Variants in APBB2 observed in about 807,000 individuals in gnomAD.
APBB2 encodes Fe65-like 1.
Under a neutral mutation model 82.5 loss-of-function variants are expected in APBB2, and 38 were observed. The observed-to-expected ratio is 0.46, with a 90% CI of 0.36 to 0.60. APBB2 has a LOEUF of 0.60. Among genes scored for constraint, APBB2 ranks in the 20% least tolerant of loss-of-function variants. The probability of loss-of-function intolerance (pLI) is 0.00; values close to 1 mark genes in which losing one functional copy is unlikely to be tolerated. For missense variants in APBB2, 772 were observed against 972.3 expected (o/e 0.79, Z 2.74); for synonymous variants, 341 against 368.2 (o/e 0.93, Z 0.85).
intron 1 of APBB2, among the ~76,000 whole-genome samples, chr4:41,183,703 C>T (rs887394858): frequency 7.2e-5 from 11 of 151,830 alleles, no homozygotes; most frequent in Non-Finnish European, 1.5e-4. Context: ...CTACCAATAA[C>T]CTGAGTCAGA....
intron 15 of APBB2, 160 bp downstream of exon 15, chr4:40,825,727 A>G (rs550460475): frequency 3.0e-5 from 19 of 626,946 alleles, no homozygotes; most frequent in Non-Finnish European, 4.0e-5. Flanking sequence ...TCATCTTTTG[A>G]TCAGGACCGT....
chr4:40,956,871 C>A (rs537109224), intron 6 of APBB2, among the ~76,000 whole-genome samples: 1 of 152,226 alleles, frequency 6.6e-6, no homozygotes, highest in Admixed American at 6.5e-5. Flanking sequence ...GGCATAAAAT[C>A]AACACAAAAG....
intron 10 of APBB2, among the ~76,000 whole-genome samples, chr4:40,930,480 T>C (rs560755581): frequency 3.6e-4 from 53 of 146,744 alleles, no homozygotes; most frequent in Admixed American, 9.3e-4. Flanking sequence ...CGCGTGCGCG[T>C]ATGCGTGTGT....
In APBB2 at chr4:40,811,068, T is replaced by C. The variant is rs1414559369; in HGVS notation, c.*5024A>G. On this transcript the variant is annotated 3_prime_UTR_variant, in exon 18 of 18. Coordinates refer to ENST00000508593, the MANE Select transcript of APBB2 (RefSeq NM_004307.2). ...ATTTTCTGATCTCTACAGTAGCATG[T>C]GAAGTCACAATTTGTTGCCACTTAC... 6.6e-6 allele frequency: 1 copy of C among 152,242 alleles called. No homozygotes were observed. The highest frequency in any genetic ancestry group is 2.4e-5 in the African/African-American group (1 of 41,450). 9.4% of individuals were successfully genotyped at this position (152,242 alleles called of 1,614,324 possible). A position where few individuals can be genotyped will look rare whatever the true frequency, so the allele number is the denominator to read the frequency against.
intron 1 of APBB2, among the ~76,000 whole-genome samples, chr4:41,165,807 A>T (rs1766377529): frequency 6.6e-6 from 1 of 151,908 alleles, no homozygotes; most frequent in Non-Finnish European, 1.5e-5. Context: ...TGAAGCAAGT[A>T]CACGAACCCC....
At chr4:40,822,115 C>G in intron 16 of APBB2, 65 bp from the exon 17 acceptor site, 1 of 1,569,488 alleles carries the variant, frequency 6.4e-7, no homozygotes. Context: ...AGTGGCAGCA[C>G]ATAGGAACTG....
chr4:41,124,819 G>A (rs1160955933), intron 2 of APBB2, among the ~76,000 whole-genome samples: 1 of 152,106 alleles, frequency 6.6e-6, no homozygotes, highest in Non-Finnish European at 1.5e-5. Context: ...TGGTCATCTT[G>A]TCACACAAGC....
chr4:41,130,199 G>C (rs1260390530), intron 2 of APBB2, among the ~76,000 whole-genome samples: 1 of 152,160 alleles, frequency 6.6e-6, no homozygotes, highest in Non-Finnish European at 1.5e-5. Context: ...ACGATGAAAA[G>C]AGAAAATTGA....
At chr4:40,824,644 T>G (rs999537576) in intron 15 of APBB2, among the ~76,000 whole-genome samples, 2 of 152,142 alleles carry the variant, frequency 1.3e-5, no homozygotes, top group African/African-American at 4.8e-5. Flanking sequence ...CATGCCACCA[T>G]GCCCAGCTAA....
At chr4:41,074,072 G>A (rs1455553118) in intron 3 of APBB2, among the ~76,000 whole-genome samples, 1 of 152,196 alleles carries the variant, frequency 6.6e-6, no homozygotes, top group Non-Finnish European at 1.5e-5. Flanking sequence ...GCTACAGTGA[G>A]CTATGATGGT....
intron 2 of APBB2, among the ~76,000 whole-genome samples, chr4:41,139,743 T>C (rs1039326308): frequency 3.3e-5 from 5 of 152,188 alleles, no homozygotes; most frequent in African/African-American, 1.2e-4. Context: ...AGATAAGTAG[T>C]GGCCAGGGGT....
rs11942640 is a variant in APBB2 at position 41,013,725 on chromosome 4, T to C, written c.693A>G (p.Glu231=). The change falls in exon 6 of 18, where the codon GAA becomes GAG. Residue 231 remains glutamate, a synonymous_variant. Transcript: ENST00000508593. The part of the protein sequence containing the change: ...GQVATVSSSP[E]TKKDHPKTGA... ...CTGTTTTCGGATGATCCTTCTTGGT[T>C]TCTGGGCTGGATGACACTGTGGCTA... is the stretch of plus-strand genomic sequence containing the variant. The C allele has an allele frequency of 0.021, 33,359 of 1,614,126 alleles. 784 individuals carry two copies. The highest frequency in any genetic ancestry group is 0.13 in the African/African-American group (9,419 of 75,008).
intron 6 of APBB2, among the ~76,000 whole-genome samples, chr4:40,961,600 T>C (rs997856128): frequency 3.7e-5 from 5 of 134,040 alleles, no homozygotes; most frequent in Non-Finnish European, 6.1e-5. Context: ...CATATGTAAC[T>C]AACCTGCACA....
intron 10 of APBB2, among the ~76,000 whole-genome samples, chr4:40,901,441 G>T (rs1252432408): frequency 6.6e-6 from 1 of 152,066 alleles, no homozygotes; most frequent in African/African-American, 2.4e-5. Flanking sequence ...AGAGCCTGGT[G>T]GGGGTGGGGG....
chr4:40,908,103 G>A (rs1282951193), intron 10 of APBB2, among the ~76,000 whole-genome samples: 1 of 151,554 alleles, frequency 6.6e-6, no homozygotes, highest in Non-Finnish European at 1.5e-5. Flanking sequence ...GTGTGTGTGT[G>A]GTATCCTTAT....
At chr4:41,099,473 C>T (rs1580015627) in intron 3 of APBB2, among the ~76,000 whole-genome samples, 3 of 152,074 alleles carry the variant, frequency 2.0e-5, no homozygotes, top group Non-Finnish European at 2.9e-5. Flanking sequence ...TCAGGTGATC[C>T]GTCCACCTCG....
intron 2 of APBB2, among the ~76,000 whole-genome samples, chr4:41,116,971 C>T (rs1308579707): frequency 5.9e-5 from 9 of 152,150 alleles, no homozygotes; most frequent in African/African-American, 1.9e-4. Context: ...TACAGTCTCT[C>T]AACCTGGTGT....
chr4:40,914,205 C>T (rs150247582), intron 10 of APBB2, among the ~76,000 whole-genome samples: 9,012 of 152,048 alleles, frequency 0.059, 386 homozygotes, highest in Non-Finnish European at 0.092. Context: ...CCTGTCTCTA[C>T]TAAAAATACA....
chr4:40,841,466 G>A (rs1755784345), intron 12 of APBB2, among the ~76,000 whole-genome samples: 1 of 152,240 alleles, frequency 6.6e-6, no homozygotes, highest in East Asian at 1.9e-4. Flanking sequence ...CAGAGCATTG[G>A]AAAAACACAA....
Sources: allele counts gnomAD v4.1 joint callset (sites outside exome capture counted in the v4.1 genomes callset), GRCh38; gene constraint gnomAD v4.1.1; transcripts MANE v1.5; gene names NCBI Gene and HGNC (gene_info 2026-07-23, HGNC 2026-07-21).